The following ANKS3 variants were observed in gnomAD, a reference collection of about 807,000 sequenced individuals.
ANKS3 encodes ankyrin repeat and sterile alpha motif domain containing 3.
A neutral mutation model predicts 80.7 loss-of-function variants in ANKS3; 62 were observed. The observed-to-expected ratio is 0.77, with a 90% CI of 0.63 to 0.95. The LOEUF (loss-of-function observed/expected upper bound fraction) is 0.95, where lower values mean the gene tolerates loss of function less well. ANKS3 is among the 40% of genes least tolerant of loss of function. The probability of loss-of-function intolerance (pLI) is 0.00; values close to 1 mark genes in which losing one functional copy is unlikely to be tolerated. For missense variants in ANKS3, 1,150 were observed against 883.6 expected (o/e 1.30, Z -3.82); for synonymous variants, 489 against 355.3 (o/e 1.38, Z -4.23).
At chr16:4,723,436 C>A (rs920654569) in intron 6 of ANKS3, among the ~76,000 whole-genome samples, 1 of 152,076 alleles carries the variant, frequency 6.6e-6, no homozygotes, top group South Asian at 2.1e-4. Context: ...TTTTCTTTTT[C>A]TTTTTGAGGC....
At chr16:4,714,302 T>G (rs2080658332) in intron 6 of ANKS3, 116 bp from the exon 7 acceptor site, 1 of 1,427,136 alleles carries the variant, frequency 7.0e-7, no homozygotes, top group Non-Finnish European at 9.6e-7. Context: ...CCTCCCTGTG[T>G]GGGAAACATC....
chr16:4,705,732 T>A (rs2080153551), intron 7 of ANKS3, among the ~76,000 whole-genome samples: 1 of 152,154 alleles, frequency 6.6e-6, no homozygotes, highest in Non-Finnish European at 1.5e-5. Flanking sequence ...AGTGCTGGGA[T>A]TACAGGCATG....
At chr16:4,721,619 TTTATTG>T (rs1488262819) in intron 6 of ANKS3, among the ~76,000 whole-genome samples, 2 of 98,498 alleles carry the variant, frequency 2.0e-5, no homozygotes, top group East Asian at 6.7e-4. Context: ...TCTTTATTGA[TTTATTG>T]ATTTATTTAT....
chr16:4,730,917 A>T (rs1478205695), intron 2 of ANKS3, among the ~76,000 whole-genome samples: 1 of 152,154 alleles, frequency 6.6e-6, no homozygotes, highest in Non-Finnish European at 1.5e-5. Context: ...TCCAATCCCT[A>T]GTGCCTCACT....
Position 4,700,786 on chromosome 16 carries a change from G to A in ANKS3, c.1284+184C>T, listed in dbSNP as rs529917644. The A allele has an allele frequency of 3.6e-4, 300 of 833,854 alleles. 1 individual carries two copies. Among genetic ancestry groups the A allele is most frequent in the East Asian group, 1.4e-3 (59 of 41,016 alleles). The allele number at this position is 833,854 out of a possible 1,614,324, so 51.7% of individuals were successfully genotyped here. On this transcript the variant is annotated intron_variant, in intron 11 of 17. Coordinates refer to ENST00000304283, the MANE Select transcript of ANKS3 (RefSeq NM_133450.4). The stretch of plus-strand genomic sequence containing the variant: ...CCGTGGAGAGGAACAGAGTAGAAGC[G>A]CTGCAGCGGGGCTGCCAGCCATGGA...
intron 9 of ANKS3, 92 bp from the exon 10 acceptor site, chr16:4,701,635 C>T (rs1002261205): frequency 7.3e-6 from 8 of 1,094,242 alleles, no homozygotes; most frequent in African/African-American, 1.6e-5. Context: ...CACCAGGGCA[C>T]TCCTTGGGGC....
chr16:4,714,352 G>T, intron 6 of ANKS3, 166 bp from the exon 7 acceptor site: 1 of 1,045,054 alleles, frequency 9.6e-7, no homozygotes, highest in Non-Finnish European at 1.4e-6. Context: ...CTGCACCGCA[G>T]CCACAAGTTT....
chr16:4,728,903 G>A (rs562607313), intron 3 of ANKS3, among the ~76,000 whole-genome samples: 1 of 152,160 alleles, frequency 6.6e-6, no homozygotes, highest in Non-Finnish European at 1.5e-5. Context: ...GCACTCCATG[G>A]GCTGGGTATG....
chr16:4,698,219 G>A (rs2142019132), intron 14 of ANKS3, 157 bp from the exon 15 acceptor site: 3 of 1,123,476 alleles, frequency 2.7e-6, no homozygotes, highest in South Asian at 3.2e-5. Flanking sequence ...CTAAAGAGCA[G>A]GAGGGCGACC....
Position 4,698,950 on chromosome 16 carries a change from G to T in ANKS3, c.1410-9C>A. The T allele has an allele frequency of 1.2e-6, 2 of 1,605,836 alleles. No homozygotes were observed. The highest frequency in any genetic ancestry group is 1.7e-6 in the Non-Finnish European group (2 of 1,174,368). On this transcript the variant is annotated splice_polypyrimidine_tract_variant and intron_variant, in intron 12 of 17. Coordinates refer to ENST00000304283, the MANE Select transcript of ANKS3 (RefSeq NM_133450.4). ...TCTTGGGCCCAAACAGCCTGCGGGG[G>T]GAATGTGACCAGGATATGCCTCAGC...
chr16:4,714,889 G>A (rs551810803), intron 6 of ANKS3, among the ~76,000 whole-genome samples: 22 of 151,330 alleles, frequency 1.5e-4, no homozygotes, highest in African/African-American at 5.1e-4. Context: ...CTACTCGGGA[G>A]GCTGAGGCAG....
At chr16:4,701,771 G>C in intron 9 of ANKS3, 10 of 522,350 alleles carry the variant, frequency 1.9e-5, no homozygotes, top group Non-Finnish European at 3.0e-5. Context: ...AGCAGTGCTT[G>C]GCACACGGTG....
chr16:4,715,191 C>A (rs2080728038), intron 6 of ANKS3, among the ~76,000 whole-genome samples: 1 of 152,082 alleles, frequency 6.6e-6, no homozygotes, highest in Admixed American at 6.6e-5. Context: ...CCTGTAATCC[C>A]AGCATTTGAC....
intron 1 of ANKS3, 33 bp from the exon 2 acceptor site, chr16:4,731,612 G>C: frequency 1.1e-6 from 1 of 912,736 alleles, no homozygotes; most frequent in Non-Finnish European, 1.3e-6. Context: ...AATTTTTCTG[G>C]AATGGTTATG....
At chr16:4,705,634 TTTTC>T (rs760555778) in intron 7 of ANKS3, among the ~76,000 whole-genome samples, 10 of 151,954 alleles carry the variant, frequency 6.6e-5, no homozygotes. Flanking sequence ...CCAGTGTTTT[TTTTC>T]TTTTCTTTTT....
intron 7 of ANKS3, among the ~76,000 whole-genome samples, chr16:4,705,503 C>A (rs1378897329): frequency 6.6e-6 from 1 of 152,188 alleles, no homozygotes; most frequent in Non-Finnish European, 1.5e-5. Flanking sequence ...CTCTGTCCCC[C>A]GAGCTGAAGT....
chr16:4,714,795 C>A (rs2080698002), intron 6 of ANKS3, among the ~76,000 whole-genome samples: 1 of 151,628 alleles, frequency 6.6e-6, no homozygotes, highest in South Asian at 2.1e-4. Flanking sequence ...AGATTGAGAC[C>A]ATCCTGGCCA....
At position 4,700,988 on chromosome 16, in the gene ANKS3, G is replaced by A. The variant is rs377508134; in HGVS notation, c.1266C>T (p.Ala422=). The A allele has an allele frequency of 1.2e-6, 2 of 1,613,956 alleles. No individual in the cohort carries two copies. The highest frequency in any genetic ancestry group is 8.5e-7 in the Non-Finnish European group (1 of 1,179,966). ...GTCTTACCTGGGGTCCTGAGTAGGG[G>A]GCCCTCTGAGTCTGGGGGCTGGACT... ...LAESSPQTQR[A]PYSGPQDLAA... is the part of the protein sequence containing the mutation. The change falls in exon 11 of 18, where the codon GCC becomes GCT. Residue 422 remains alanine, a synonymous_variant. Transcript: ENST00000304283.
rs146041043 is a variant in ANKS3 at position 4,697,406 on chromosome 16, G to A, written c.1821C>T (p.Gly607=). The change falls in exon 16 of 18, where the codon GGC becomes GGT. Residue 607 remains glycine, a synonymous_variant. Coordinates refer to ENST00000304283, the MANE Select transcript of ANKS3 (RefSeq NM_133450.4). ...TCATGGCCTGCAGGGACGCTTGCCA[G>A]CCCTTGGAGTCTGTGGTGCAGGTGC... The part of the protein sequence containing the change: ...GLAVPPADSK[G]WQASLQAMSL... 8,619 of 1,606,138 alleles carry A rather than the reference G, an allele frequency of 5.4e-3. 37 individuals are homozygous for A. Among genetic ancestry groups the A allele is most frequent in the Middle Eastern group, 0.01 (61 of 6,044 alleles).
Sources: allele counts gnomAD v4.1 joint callset (sites outside exome capture counted in the v4.1 genomes callset), GRCh38; gene constraint gnomAD v4.1.1; transcripts MANE v1.5; gene names NCBI Gene and HGNC (gene_info 2026-07-23, HGNC 2026-07-21).